TTC27: variants seen among roughly 807,000 people sequenced by gnomAD.
TTC27 encodes tetratricopeptide repeat domain 27, also known as tetratricopeptide repeat protein 27.
In TTC27, 79 loss-of-function variants were observed where a neutral mutation model predicts 115.9. The ratio of observed to expected loss-of-function variants is 0.68; its 90% CI spans 0.57 to 0.82. The LOEUF (loss-of-function observed/expected upper bound fraction) is 0.82. Among genes scored for constraint, TTC27 ranks in the 40% least tolerant of loss-of-function variants. The pLI is 0.00. For missense variants in TTC27, 1,054 were observed against 993.1 expected, an observed-to-expected ratio of 1.06 and a Z score of -0.82; for synonymous variants, 401 against 356.0, an observed-to-expected ratio of 1.13 and a Z score of -1.42.
At chr2:32,807,143 A>T (rs1211647040) in intron 16 of TTC27, among the ~76,000 whole-genome samples, 3 of 152,170 alleles carry the variant, frequency 2.0e-5, no homozygotes, top group African/African-American at 7.2e-5. Flanking sequence ...AGTCTAATAA[A>T]TGAATATTCA....
chr2:32,812,388 A>G (rs1671344185), intron 17 of TTC27, 116 bp from the exon 18 acceptor site: 5 of 747,542 alleles, frequency 6.7e-6, no homozygotes, highest in African/African-American at 3.5e-5. Flanking sequence ...GCTGTGCTGT[A>G]CAACACAGAT....
chr2:32,728,076 T>C (rs1668168669), intron 10 of TTC27, among the ~76,000 whole-genome samples: 1 of 143,716 alleles, frequency 7.0e-6, no homozygotes, highest in Admixed American at 7.3e-5. Flanking sequence ...AGAGTCTCGC[T>C]GTCGCCCAGG....
intron 4 of TTC27, among the ~76,000 whole-genome samples, chr2:32,647,425 C>T (rs1012858356): frequency 2.0e-5 from 3 of 152,120 alleles, no homozygotes; most frequent in East Asian, 1.9e-4. Context: ...ATGAAAATGA[C>T]GCAACACCTC....
At chr2:32,669,249 C>G (rs766921422) in intron 7 of TTC27, among the ~76,000 whole-genome samples, 18 of 152,190 alleles carry the variant, frequency 1.2e-4, no homozygotes, top group Non-Finnish European at 2.4e-4. Flanking sequence ...TCCTCAGCCT[C>G]CCAAAACTGT....
At chr2:32,795,852 T>G (rs1670686546) in intron 16 of TTC27, among the ~76,000 whole-genome samples, 1 of 151,874 alleles carries the variant, frequency 6.6e-6, no homozygotes, top group Non-Finnish European at 1.5e-5. Context: ...CTGCTGGGAT[T>G]ATAGGTGTGA....
At chr2:32,654,987 C>A (rs529800223) in intron 5 of TTC27, among the ~76,000 whole-genome samples, 1 of 143,754 alleles carries the variant, frequency 7.0e-6, no homozygotes, top group South Asian at 2.2e-4. Flanking sequence ...TGAGCCACTG[C>A]GTCTGGCCTT....
intron 12 of TTC27, among the ~76,000 whole-genome samples, chr2:32,746,563 CAAA>C (rs770621313): frequency 4.3e-5 from 2 of 46,296 alleles, no homozygotes; most frequent in Admixed American, 3.3e-4. Context: ...AACTCCATCT[CAAA>C]AAAAAAAAAA....
chr2:32,748,038 G>A (rs1668887801), intron 12 of TTC27, among the ~76,000 whole-genome samples: 1 of 151,160 alleles, frequency 6.6e-6, no homozygotes, highest in Non-Finnish European at 1.5e-5. Context: ...AGTTACTTTT[G>A]GTGGAAGGTT....
At chr2:32,656,637 A>G (rs1388720442) in intron 5 of TTC27, among the ~76,000 whole-genome samples, 1 of 152,136 alleles carries the variant, frequency 6.6e-6, no homozygotes, top group African/African-American at 2.4e-5. Flanking sequence ...CACTCCGAGG[A>G]TATTATTTGA....
chr2:32,651,711 G>A (rs987443881), intron 5 of TTC27, among the ~76,000 whole-genome samples: 2 of 152,182 alleles, frequency 1.3e-5, no homozygotes, highest in African/African-American at 4.8e-5. Context: ...AGCTTGTTTA[G>A]TCATAAATAT....
chr2:32,705,012 A>G (rs1294049287), intron 10 of TTC27: 1 of 447,324 alleles, frequency 2.2e-6, no homozygotes, highest in East Asian at 7.1e-5. Context: ...TGGTTTGAGT[A>G]TTTGTTCCCT....
In TTC27 at chr2:32,786,963, T is replaced by G. The variant is rs1425282668; in HGVS notation, c.1833-21T>G. The G allele has an allele frequency of 2.5e-6, 4 of 1,592,080 alleles. No individual in the cohort carries two copies. The South Asian group carries it at 3.5e-5, about 14-fold the overall frequency. Reference sequence around the variant, plus strand: ...AAAAAAGAGTTCATTATTGCTCTCTTTAAAATTTGACCTTCAATAGAGTAA... The same window carrying G: ...AAAAAAGAGTTCATTATTGCTCTCTGTAAAATTTGACCTTCAATAGAGTAA... On this transcript the variant is annotated intron_variant, in intron 15 of 19. Coordinates refer to ENST00000317907, the MANE Select transcript of TTC27 (RefSeq NM_017735.5).
chr2:32,678,952 A>AT, intron 9 of TTC27, 30 bp downstream of exon 9: 4 of 1,591,066 alleles, frequency 2.5e-6, no homozygotes, highest in Middle Eastern at 1.7e-4. Flanking sequence ...CTTCCATTTC[A>AT]TTTTTTTCCT....
chr2:32,814,535 A>G (rs1484459541), intron 18 of TTC27, among the ~76,000 whole-genome samples: 1 of 152,230 alleles, frequency 6.6e-6, no homozygotes, highest in East Asian at 1.9e-4. Flanking sequence ...GTCTCTTCAA[A>G]ACATTGTTCC....
intron 16 of TTC27, among the ~76,000 whole-genome samples, chr2:32,806,770 CTT>C (rs996823295): frequency 2.6e-5 from 4 of 151,704 alleles, no homozygotes; most frequent in African/African-American, 9.7e-5. Flanking sequence ...GACAGCGAGA[CTT>C]TGTCTCAAAG....
chr2:32,678,432 T>A (rs984255110), intron 8 of TTC27, among the ~76,000 whole-genome samples: 1 of 152,064 alleles, frequency 6.6e-6, no homozygotes, highest in Non-Finnish European at 1.5e-5. Flanking sequence ...TTTTTTGTTT[T>A]GTTTTGTTTT....
At position 32,650,117 on chromosome 2, in the gene TTC27, G is replaced by C; in HGVS notation, c.538-14G>C. 1 of 1,603,712 alleles carries C rather than the reference G, an allele frequency of 6.2e-7. No individual in the cohort carries two copies. ...GTATCCTTTTATTTCAGCTTACGTG[G>C]TGTTTTTTCCTAGAGCTTGCCATGG... is the stretch of plus-strand genomic sequence containing the variant. On this transcript the variant is annotated splice_polypyrimidine_tract_variant and intron_variant, in intron 4 of 19. Coordinates refer to ENST00000317907, the MANE Select transcript of TTC27 (RefSeq NM_017735.5).
intron 9 of TTC27, among the ~76,000 whole-genome samples, chr2:32,691,448 G>A (rs1010138778): frequency 1.1e-4 from 16 of 151,706 alleles, no homozygotes; most frequent in East Asian, 1.9e-4. Context: ...ACAGGCACAC[G>A]CCACTGCACC....
chr2:32,657,095 C>A (rs1269400993), intron 5 of TTC27, among the ~76,000 whole-genome samples: 2 of 151,190 alleles, frequency 1.3e-5, no homozygotes, highest in East Asian at 3.9e-4. Flanking sequence ...ATGCCATTCT[C>A]CTGCTTCAAC....
Sources: gnomAD v4.1 joint callset for allele counts (sites outside exome capture counted in the v4.1 genomes callset) on GRCh38, gnomAD v4.1.1 for gene constraint, MANE v1.5 for transcripts, NCBI Gene and HGNC (gene_info 2026-07-23, HGNC 2026-07-21) for gene names.